Variants in CUEDC1 observed in about 807,000 individuals in gnomAD.
CUEDC1 encodes CUE domain-containing protein 1.
A neutral mutation model predicts 43.7 loss-of-function variants in CUEDC1; 30 were observed. The observed-to-expected ratio is 0.69, with a 90% CI of 0.51 to 0.93. The LOEUF (loss-of-function observed/expected upper bound fraction) is 0.93, where lower values mean the gene tolerates loss of function less well. Ranked by LOEUF, CUEDC1 falls within the 40% of genes least tolerant of loss-of-function variation. The probability of loss-of-function intolerance (pLI) is 0.00; values close to 1 mark genes in which losing one functional copy is unlikely to be tolerated. For missense variants in CUEDC1, 486 were observed against 549.0 expected (o/e 0.89, Z 1.15); for synonymous variants, 223 against 223.6 (o/e 1.00, Z 0.02).
At chr17:57,920,728 T>TTTTGAATATATC (rs1393201740) in intron 1 of CUEDC1, among the ~76,000 whole-genome samples, 3 of 150,870 alleles carry the variant, frequency 2.0e-5, no homozygotes, top group Non-Finnish European at 4.4e-5. Context: ...ACCTCCTGGG[T>TTTTGAATATATC]TTGAGTGATT....
In CUEDC1 at chr17:57,869,102, G is replaced by A. The variant is rs977818323; in HGVS notation, c.940+20C>T. On this transcript the variant is annotated intron_variant, in intron 7 of 10. Transcript: ENST00000577830. ...TCTCAGAAAAGCTGGGGAGGGAAGC[G>A]GGGCCTGAGTGGGACTCACACTTTC... 6.8e-6 allele frequency: 11 copies of A among 1,612,780 alleles called. No homozygotes were observed. Among genetic ancestry groups the A allele is most frequent in the Admixed American group, 1.7e-5 (1 of 59,942 alleles).
chr17:57,934,620 A>G (rs936470672), intron 1 of CUEDC1, among the ~76,000 whole-genome samples: 1 of 150,720 alleles, frequency 6.6e-6, no homozygotes, highest in Admixed American at 6.7e-5. Context: ...ATGAACCCCT[A>G]TCTTTTTTAA....
At chr17:57,884,831 G>T (rs545300959) in intron 2 of CUEDC1, among the ~76,000 whole-genome samples, 9 of 152,338 alleles carry the variant, frequency 5.9e-5, no homozygotes, top group African/African-American at 2.2e-4. Context: ...AGCTCCAGGA[G>T]GGCAGAAATT....
At chr17:57,927,168 G>A (rs2074755858) in intron 1 of CUEDC1, among the ~76,000 whole-genome samples, 1 of 152,178 alleles carries the variant, frequency 6.6e-6, no homozygotes, top group South Asian at 2.1e-4. Context: ...AGAGAGTGGG[G>A]CTGTTATGGA....
At chr17:57,877,579 A>T (rs1032022112) in intron 3 of CUEDC1, among the ~76,000 whole-genome samples, 30 of 36,552 alleles carry the variant, frequency 8.2e-4, no homozygotes, top group African/African-American at 7.3e-3. Flanking sequence ...TTGGAATATT[A>T]AAAAAAAAAA....
chr17:57,879,632 G>T lies in CUEDC1; in HGVS notation c.443C>A (p.Ala148Asp). 1.3e-6 allele frequency: 2 copies of T among 1,596,108 alleles called. No homozygotes were observed. The highest frequency in any genetic ancestry group is 1.7e-6 in the Non-Finnish European group (2 of 1,174,108). The change falls in exon 3 of 11, where the codon GCT becomes GAT. Residue 148 changes from alanine to aspartate, a missense_variant. By Grantham distance (126) the Ala-to-Asp change is moderately radical. Coordinates refer to ENST00000577830, the MANE Select transcript of CUEDC1 (RefSeq NM_001271875.2). Reference sequence around the variant, plus strand: ...TCACCGGGGAGGCGGAGTCGGGGGAGCCAGAGGGTAGGGCCGGTCGAACAC... The same window carrying T: ...TCACCGGGGAGGCGGAGTCGGGGGATCCAGAGGGTAGGGCCGGTCGAACAC... The part of the protein sequence containing the change: ...MHVFDRPYPL[A>D]PPTPPPRIDA...
At chr17:57,942,369 T>C (rs1454456926) in intron 1 of CUEDC1, among the ~76,000 whole-genome samples, 1 of 151,912 alleles carries the variant, frequency 6.6e-6, no homozygotes, top group African/African-American at 2.4e-5. Context: ...AATTGTCTAG[T>C]TTTTTTTCGT....
intron 1 of CUEDC1, among the ~76,000 whole-genome samples, chr17:57,936,243 A>G (rs1462446639): frequency 6.6e-6 from 1 of 152,194 alleles, no homozygotes; most frequent in Non-Finnish European, 1.5e-5. Flanking sequence ...AGGGCCCCTG[A>G]GTGCACAAGC....
rs568578649 is a variant in CUEDC1 at position 57,904,147 on chromosome 17, C to T, written c.-315-18268G>A. Reference sequence around the variant, plus strand: ...CCTCACCCCAGCTGGCAGGGGGCAGCCCCAGCTCTAGGAAGACTGCCTTCC... The same window carrying T: ...CCTCACCCCAGCTGGCAGGGGGCAGTCCCAGCTCTAGGAAGACTGCCTTCC... On this transcript the variant is annotated intron_variant, in intron 1 of 10. Coordinates refer to ENST00000577830, the MANE Select transcript of CUEDC1 (RefSeq NM_001271875.2). Among the ~76,000 whole-genome samples the T allele has an allele frequency of 3.9e-5, 6 of 152,200 alleles. No individual in the cohort carries two copies. The East Asian group carries it at 1.2e-3, about 29-fold the overall frequency.
chr17:57,873,387 C>A (rs1301738108), intron 4 of CUEDC1, among the ~76,000 whole-genome samples: 4 of 152,200 alleles, frequency 2.6e-5, no homozygotes, highest in Non-Finnish European at 5.9e-5. Flanking sequence ...TGTCACCTTC[C>A]CTGGATAGAA....
At chr17:57,883,053 C>T (rs904026090) in intron 2 of CUEDC1, among the ~76,000 whole-genome samples, 3 of 152,132 alleles carry the variant, frequency 2.0e-5, no homozygotes, top group Non-Finnish European at 4.4e-5. Context: ...CATACGCATA[C>T]TCTCACTCTC....
rs35241279 is a variant in CUEDC1, at chr17:57,922,879, C to CTT, written c.-316+32344_-316+32345dup. Among the ~76,000 whole-genome samples the CTT allele has an allele frequency of 4.2e-3, 610 of 144,086 alleles. 3 individuals carry two copies. Among genetic ancestry groups the CTT allele is most frequent in the African/African-American group, 0.014 (547 of 38,828 alleles). 94.5% of individuals were successfully genotyped at this position (144,086 alleles called of 152,430 possible). A position where few individuals can be genotyped will look rare whatever the true frequency, so the allele number is the denominator to read the frequency against. ...TCACCCAGGGAATTTCTCCCTCTCT[C>CTT]TTTTTTTTTTTTTTTAAATAGGGTC... On this transcript the variant is annotated intron_variant, in intron 1 of 10. Transcript: ENST00000577830.
chr17:57,933,215 C>A (rs1055529308), intron 1 of CUEDC1, among the ~76,000 whole-genome samples: 1 of 152,164 alleles, frequency 6.6e-6, no homozygotes, highest in Non-Finnish European at 1.5e-5. Context: ...GGGGGAGAAC[C>A]ACTGAACAGA....
At chr17:57,910,851 G>A (rs990766661) in intron 1 of CUEDC1, among the ~76,000 whole-genome samples, 1 of 151,986 alleles carries the variant, frequency 6.6e-6, no homozygotes, top group Non-Finnish European at 1.5e-5. Flanking sequence ...TCTGGCATGA[G>A]ACCCAGTGTG....
chr17:57,864,851 C>T (rs953355266), intron 10 of CUEDC1, among the ~76,000 whole-genome samples: 16 of 152,088 alleles, frequency 1.1e-4, no homozygotes, highest in Non-Finnish European at 1.5e-4. Context: ...GTCAGATGTT[C>T]GAAACCAGCC....
At chr17:57,932,759 G>A (rs537178294) in intron 1 of CUEDC1, among the ~76,000 whole-genome samples, 60 of 152,056 alleles carry the variant, frequency 3.9e-4, no homozygotes, top group African/African-American at 1.4e-3. Context: ...CTACTTGGGA[G>A]GCTGAGGCAG....
At chr17:57,872,468 G>A (rs1281224856) in intron 5 of CUEDC1, among the ~76,000 whole-genome samples, 195 bp downstream of exon 5, 3 of 152,222 alleles carry the variant, frequency 2.0e-5, no homozygotes, top group Admixed American at 6.5e-5. Context: ...AGAAAGGGGT[G>A]GGCTAGTGAC....
chr17:57,939,615 C>G (rs1165186149), intron 1 of CUEDC1, among the ~76,000 whole-genome samples: 1 of 152,102 alleles, frequency 6.6e-6, no homozygotes, highest in Non-Finnish European at 1.5e-5. Context: ...CAGCTCATAT[C>G]CCTCCTGTGA....
At chr17:57,937,878 G>A (rs1419175001) in intron 1 of CUEDC1, among the ~76,000 whole-genome samples, 2 of 152,158 alleles carry the variant, frequency 1.3e-5, no homozygotes, top group African/African-American at 4.8e-5. Context: ...CTGCACTCCA[G>A]CTGGGACGAC....
Sources: gnomAD v4.1 joint callset for allele counts (sites outside exome capture counted in the v4.1 genomes callset) on GRCh38, gnomAD v4.1.1 for gene constraint, MANE v1.5 for transcripts, NCBI Gene and HGNC (gene_info 2026-07-23, HGNC 2026-07-21) for gene names.